SMYD3: variants seen among roughly 807,000 people sequenced by gnomAD.
The protein encoded by SMYD3 is SET and MYND domain containing 3, also known as histone-lysine N-methyltransferase SMYD3.
In SMYD3, 36 loss-of-function variants were observed where a neutral mutation model predicts 57.7. The ratio of observed to expected loss-of-function variants is 0.62; its 90% CI spans 0.48 to 0.82. The LOEUF is 0.82. Ranked by LOEUF, SMYD3 falls within the 40% of genes least tolerant of loss-of-function variation. SMYD3 has a pLI of 0.00. For synonymous variants in SMYD3, 211 were observed against 195.0 expected, an observed-to-expected ratio of 1.08 and a Z score of -0.68; for missense variants, 515 against 538.8, an observed-to-expected ratio of 0.96 and a Z score of 0.44.
At chr1:245,956,792 C>T (rs2057858199) in intron 5 of SMYD3, among the ~76,000 whole-genome samples, 1 of 152,194 alleles carries the variant, frequency 6.6e-6, no homozygotes. Context: ...AGTCATCTTC[C>T]AGCAACTTCT....
At chr1:246,159,311 G>A (rs1331002929) in intron 5 of SMYD3, among the ~76,000 whole-genome samples, 1 of 152,146 alleles carries the variant, frequency 6.6e-6, no homozygotes, top group Non-Finnish European at 1.5e-5. Context: ...CCCTCCTGGT[G>A]TGTAGCTCAC....
intron 5 of SMYD3, among the ~76,000 whole-genome samples, chr1:246,146,459 C>A (rs1040842628): frequency 6.6e-6 from 1 of 152,188 alleles, no homozygotes; most frequent in Non-Finnish European, 1.5e-5. Context: ...TCTGTCCAAA[C>A]AAACCTCCTT....
At chr1:245,977,152 G>A (rs2058464985) in intron 5 of SMYD3, among the ~76,000 whole-genome samples, 1 of 152,202 alleles carries the variant, frequency 6.6e-6, no homozygotes, top group South Asian at 2.1e-4. Flanking sequence ...TCTCTAGACA[G>A]AATTAGAATC....
chr1:245,959,127 AC>A, intron 5 of SMYD3, among the ~76,000 whole-genome samples: 1 of 123,992 alleles, frequency 8.1e-6, no homozygotes, highest in South Asian at 3.4e-4. Context: ...TTCTCAAAAA[AC>A]AAACAAACAA....
intron 5 of SMYD3, among the ~76,000 whole-genome samples, chr1:246,237,576 T>C (rs1463015746): frequency 6.6e-6 from 1 of 152,218 alleles, no homozygotes; most frequent in Non-Finnish European, 1.5e-5. Context: ...TCCCCGTTTC[T>C]GGGCTTTAAA....
intron 5 of SMYD3, among the ~76,000 whole-genome samples, chr1:245,948,648 A>C (rs79020491): frequency 0.033 from 1 of 30 alleles, no homozygotes; most frequent in Non-Finnish European, 0.083. Context: ...CCTGGGCCCC[A>C]AATAGCCCTT....
chr1:246,126,855 AT>A (rs1187629477), intron 5 of SMYD3, among the ~76,000 whole-genome samples: 1 of 152,240 alleles, frequency 6.6e-6, no homozygotes, highest in Non-Finnish European at 1.5e-5. Context: ...ACTGAAAGCT[AT>A]CTTTCTCTTT....
intron 5 of SMYD3, among the ~76,000 whole-genome samples, chr1:246,072,441 T>C (rs1374096349): frequency 2.0e-5 from 3 of 152,234 alleles, no homozygotes; most frequent in Non-Finnish European, 4.4e-5. Flanking sequence ...TGCTTTCCGC[T>C]GTGCTCAGTG....
chr1:245,929,971 G>A (rs374034796), intron 5 of SMYD3, 34 bp from the exon 6 acceptor site: 179 of 1,579,234 alleles, frequency 1.1e-4, no homozygotes, highest in Non-Finnish European at 1.5e-4. Context: ...AGTATTACTA[G>A]AGTCACTTAA....
At chr1:246,335,504 G>A (rs746235975) in intron 2 of SMYD3, 30 bp from the exon 3 acceptor site, 3 of 1,585,156 alleles carry the variant, frequency 1.9e-6, no homozygotes, top group Non-Finnish European at 1.7e-6. Context: ...GAGAACATAG[G>A]TGACCTAAAA....
chr1:246,482,877 T>C (rs2068129662), intron 1 of SMYD3, among the ~76,000 whole-genome samples: 1 of 152,146 alleles, frequency 6.6e-6, no homozygotes, highest in African/African-American at 2.4e-5. Flanking sequence ...AGGCAAACAC[T>C]GCTCCACAGA....
At chr1:246,022,291 A>G (rs2148230378) in intron 5 of SMYD3, among the ~76,000 whole-genome samples, 1 of 152,328 alleles carries the variant, frequency 6.6e-6, no homozygotes, top group African/African-American at 2.4e-5. Flanking sequence ...TCTCTCAAGC[A>G]TCTCTATACG....
chr1:245,899,969 C>A (rs1250246357), intron 8 of SMYD3, among the ~76,000 whole-genome samples: 1 of 152,294 alleles, frequency 6.6e-6, no homozygotes, highest in East Asian at 1.9e-4. Context: ...TCAGACTTGT[C>A]CTGAAACTAT....
Position 246,089,884 on chromosome 1 carries a change from CT to C in SMYD3, c.532-159948del, listed in dbSNP as rs5782382. Among the ~76,000 whole-genome samples, 203 of 143,892 alleles carry C rather than the reference CT, an allele frequency of 1.4e-3. 4 individuals are homozygous for C. Among genetic ancestry groups the C allele is most frequent in the South Asian group, 0.014 (60 of 4,424 alleles). The allele number at this position is 143,892 out of a possible 152,430, so 94.4% of individuals were successfully genotyped here. A position where few individuals can be genotyped will look rare whatever the true frequency, so the allele number is the denominator to read the frequency against. On this transcript the variant is annotated intron_variant, in intron 5 of 11. Transcript: ENST00000490107. ...ACCTATGTCTGAAATTGGTAGTTTG[CT>C]TTTTTTTTTTTTTTCTGGGGGAGGG...
rs562795286 is a variant in SMYD3, at chr1:246,258,404, T to C, written c.531+68797A>G. Among the ~76,000 whole-genome samples, 8 of 152,334 alleles carry C rather than the reference T, an allele frequency of 5.3e-5. No homozygotes were observed. The South Asian group carries it at 1.7e-3, about 32-fold the overall frequency. On this transcript the variant is annotated intron_variant, in intron 5 of 11. Transcript: ENST00000490107. ...CACCTTTAAGGAACTCTTGTGAGGC[T>C]GGTCTAGTGGTAACAAATTCCCTTA...
intron 5 of SMYD3, among the ~76,000 whole-genome samples, chr1:246,007,817 A>G (rs1308140577): frequency 3.3e-5 from 5 of 149,424 alleles, no homozygotes; most frequent in Non-Finnish European, 7.5e-5. Context: ...ACCCTGACCA[A>G]AAAAAAAAAG....
intron 8 of SMYD3, among the ~76,000 whole-genome samples, chr1:245,890,465 A>G (rs2053320332): frequency 1.3e-5 from 2 of 152,250 alleles, no homozygotes; most frequent in African/African-American, 4.8e-5. Context: ...CAAATGGTGA[A>G]CAGGTATAAG....
intron 5 of SMYD3, among the ~76,000 whole-genome samples, chr1:246,105,960 T>C (rs2147955465): frequency 6.6e-6 from 1 of 152,348 alleles, no homozygotes; most frequent in Middle Eastern, 3.4e-3. Flanking sequence ...CCTGCAGCTG[T>C]AAATTAATTG....
chr1:246,161,921 G>A (rs2062127966), intron 5 of SMYD3, among the ~76,000 whole-genome samples: 1 of 152,166 alleles, frequency 6.6e-6, no homozygotes, highest in Admixed American at 6.5e-5. Context: ...AATAGTGCAT[G>A]TGTGTTGGTT....
Sources: allele counts gnomAD v4.1 joint callset (sites outside exome capture counted in the v4.1 genomes callset), GRCh38; gene constraint gnomAD v4.1.1; transcripts MANE v1.5; gene names NCBI Gene and HGNC (gene_info 2026-07-23, HGNC 2026-07-21).